The following ATP11C variants were observed in gnomAD, a reference collection of about 807,000 sequenced individuals.
ATP11C encodes the protein ATPase phospholipid transporting 11C (ATP11C blood group), also known as phospholipid-transporting ATPase IG.
Under a neutral mutation model 97.4 loss-of-function variants are expected in ATP11C, and 36 were observed. The ratio of observed to expected loss-of-function variants is 0.37; its 90% CI spans 0.28 to 0.49. The LOEUF is 0.49. Among genes scored for constraint, ATP11C ranks in the 20% least tolerant of loss-of-function variants. ATP11C has a pLI of 0.98. For synonymous variants in ATP11C, 275 were observed against 290.9 expected, an observed-to-expected ratio of 0.95 and a Z score of 0.56; for missense variants, 730 against 824.6, an observed-to-expected ratio of 0.89 and a Z score of 1.40.
Position 139,789,428 on chromosome X carries a change from C to G in ATP11C, c.1267G>C (p.Glu423Gln). The change falls in exon 13 of 30, where the codon GAA (glutamate) becomes CAA (glutamine). Residue 423 changes from glutamate to glutamine, a missense_variant. Glu to Gln is a conservative substitution (Grantham distance 29, BLOSUM62 2). Transcript: ENST00000682941. ...TLTENSMEFIECCIDGHKYKG... is the reference protein window; with the variant it reads ...TLTENSMEFIQCCIDGHKYKG... Reference sequence around the variant, plus strand: ...TATTTGTGGCCATCTATGCAGCATTCAATGAATTCCATGCTGTTTTCAGTG... The same window carrying G: ...TATTTGTGGCCATCTATGCAGCATTGAATGAATTCCATGCTGTTTTCAGTG... 2 of 1,203,143 alleles carry G rather than the reference C, an allele frequency of 1.7e-6. No individual in the cohort carries two copies. Among genetic ancestry groups the G allele is most frequent in the East Asian group, 3.0e-5 (1 of 33,647 alleles).
At chrX:139,879,634 C>A (rs1209970497) in intron 1 of ATP11C, among the ~76,000 whole-genome samples, 1 of 112,044 alleles carries the variant, frequency 8.9e-6, no homozygotes, top group Admixed American at 9.5e-5. Flanking sequence ...CCGTGATAAT[C>A]ATTACACAAT....
intron 23 of ATP11C, among the ~76,000 whole-genome samples, chrX:139,757,061 T>C (rs927035006): frequency 5.7e-4 from 62 of 108,621 alleles, no homozygotes; most frequent in African/African-American, 2.0e-3. Context: ...AGTGTATTCA[T>C]AAGTGTACTT....
At chrX:139,818,611 C>A (rs2083338174) in intron 3 of ATP11C, among the ~76,000 whole-genome samples, 1 of 112,066 alleles carries the variant, frequency 8.9e-6, no homozygotes, top group Non-Finnish European at 1.9e-5. Context: ...AGGCTAAATT[C>A]AATTACAGTA....
chrX:139,870,156 T>G (rs899400755), intron 1 of ATP11C, among the ~76,000 whole-genome samples: 1 of 111,859 alleles, frequency 8.9e-6, no homozygotes, highest in Non-Finnish European at 1.9e-5. Context: ...GGTGTATGCA[T>G]ATGTACAAAC....
chrX:139,796,913 A>C (rs1254607903), intron 11 of ATP11C, among the ~76,000 whole-genome samples: 1 of 110,373 alleles, frequency 9.1e-6, no homozygotes, highest in Non-Finnish European at 1.9e-5. Context: ...TGCCTAAAGT[A>C]AAAGAAAAAA....
intron 22 of ATP11C, among the ~76,000 whole-genome samples, chrX:139,759,586 A>G (rs758354140): frequency 8.9e-6 from 1 of 111,768 alleles, no homozygotes; most frequent in African/African-American, 3.3e-5. Context: ...AGAAGGCAGG[A>G]AGACCTGTCA....
intron 26 of ATP11C, among the ~76,000 whole-genome samples, chrX:139,743,040 T>C (rs958965366): frequency 4.6e-5 from 5 of 108,259 alleles, no homozygotes; most frequent in Non-Finnish European, 9.6e-5. Flanking sequence ...TGGCCATCAG[T>C]GATGAAAACA....
In ATP11C at chrX:139,878,275, T is replaced by C. The variant is rs956178204; in HGVS notation, c.28-51452A>G. Among the ~76,000 whole-genome samples, 4 of 111,681 alleles carry C rather than the reference T, an allele frequency of 3.6e-5. No homozygotes were observed. The South Asian group carries it at 1.1e-3, about 31-fold the overall frequency. On this transcript the variant is annotated intron_variant, in intron 1 of 29. Transcript: ENST00000682941. ...GGCACACTGTTGTACTCAATAATTA[T>C]TGTTACCCTTGAAATAATAAAAATG...
chrX:139,887,962 C>T, intron 1 of ATP11C, among the ~76,000 whole-genome samples: 1 of 92,338 alleles, frequency 1.1e-5, no homozygotes, highest in African/African-American at 4.7e-5. Context: ...TAGAGCAAGA[C>T]TCCGTCTCAA....
At chrX:139,751,998 G>A (rs183252285) in intron 23 of ATP11C, among the ~76,000 whole-genome samples, 1 of 111,430 alleles carries the variant, frequency 9.0e-6, no homozygotes, top group East Asian at 2.8e-4. Context: ...TTCAGCACTA[G>A]CACAAAACCA....
At chrX:139,778,773 G>GA (rs2082397957) in intron 18 of ATP11C, among the ~76,000 whole-genome samples, 1 of 111,449 alleles carries the variant, frequency 9.0e-6, no homozygotes, top group African/African-American at 3.3e-5. Context: ...AAGTTGCAGT[G>GA]AGCCAGGATT....
intron 28 of ATP11C, among the ~76,000 whole-genome samples, chrX:139,732,950 T>A: frequency 9.0e-6 from 1 of 111,630 alleles, no homozygotes. Context: ...GAAGTAATTA[T>A]CTCCCCTATG....
chrX:139,727,882 T>C lies in ATP11C; in HGVS notation c.*1084A>G, dbSNP rs1407520850. 1 of 112,241 alleles carries C rather than the reference T, an allele frequency of 8.9e-6. No homozygotes were observed. The highest frequency in any genetic ancestry group is 1.9e-5 in the Non-Finnish European group (1 of 53,102). The allele number at this position is 112,241 out of a possible 1,213,427, so 9.2% of individuals were successfully genotyped here. On this transcript the variant is annotated 3_prime_UTR_variant, in exon 30 of 30. Coordinates refer to ENST00000682941, the MANE Select transcript of ATP11C (RefSeq NM_001353812.2). ...TCCCTGTCCAAGTTAAGAGACAACA[T>C]TCATCTTCACAGAGTCATGGCTCTA...
At chrX:139,772,298 GTGGA>G (rs1259725174) in intron 19 of ATP11C, among the ~76,000 whole-genome samples, 1 of 112,579 alleles carries the variant, frequency 8.9e-6, no homozygotes, top group Non-Finnish European at 1.9e-5. Context: ...ATGGAAACGT[GTGGA>G]TGTCCAGGCA....
chrX:139,885,289 C>A (rs1017590379), intron 1 of ATP11C, among the ~76,000 whole-genome samples: 4 of 110,734 alleles, frequency 3.6e-5, no homozygotes, highest in African/African-American at 1.3e-4. Context: ...ACCGCCCCCC[C>A]ACCACCCTGC....
intron 25 of ATP11C, among the ~76,000 whole-genome samples, chrX:139,745,388 C>T (rs1215176754): frequency 9.0e-6 from 1 of 111,667 alleles, no homozygotes; most frequent in Non-Finnish European, 1.9e-5. Context: ...AAACTGAATG[C>T]GGCCAGGCTT....
intron 5 of ATP11C, among the ~76,000 whole-genome samples, chrX:139,810,704 AC>A (rs1341377536): frequency 1.8e-5 from 2 of 111,340 alleles, no homozygotes; most frequent in East Asian, 5.6e-4. Context: ...ATCTAACCTA[AC>A]ACCTCATTTT....
intron 1 of ATP11C, among the ~76,000 whole-genome samples, chrX:139,924,594 T>C (rs925169617): frequency 1.8e-5 from 2 of 111,241 alleles, no homozygotes; most frequent in Admixed American, 9.6e-5. Flanking sequence ...TGGCTCACTC[T>C]GCTTAAGCTG....
rs146325863 is a variant in ATP11C at position 139,758,689 on chromosome X, A to G, written c.2641-822T>C. Among the ~76,000 whole-genome samples the G allele has an allele frequency of 5.0e-3, 562 of 112,277 alleles. 8 individuals carry two copies. Among genetic ancestry groups the G allele is most frequent in the African/African-American group, 0.017 (517 of 30,927 alleles). ...AAACTACCAGCACGAGAATTTTCAA[A>G]TAAGTGCTATCCTTCAAAGCAGGCT... On this transcript the variant is annotated intron_variant, in intron 22 of 29. Transcript: ENST00000682941.
Sources: allele counts gnomAD v4.1 joint callset (sites outside exome capture counted in the v4.1 genomes callset), GRCh38; gene constraint gnomAD v4.1.1; transcripts MANE v1.5; gene names NCBI Gene and HGNC (gene_info 2026-07-23, HGNC 2026-07-21).